Variants in PLCB4 observed in about 807,000 individuals in gnomAD.
PLCB4 encodes phospholipase C beta 4.
PLCB4 carries 77 observed loss-of-function variants against 178.8 expected under a neutral mutation model. The ratio of observed to expected loss-of-function variants is 0.43; its 90% CI spans 0.36 to 0.52. The LOEUF (loss-of-function observed/expected upper bound fraction) is 0.52, where lower values mean the gene tolerates loss of function less well. Ranked by LOEUF, PLCB4 falls within the 20% of genes least tolerant of loss-of-function variation. The pLI is 0.00. For missense variants in PLCB4, 1,024 were observed against 1,453.4 expected (o/e 0.70, Z 4.80); for synonymous variants, 496 against 490.8 (o/e 1.01, Z -0.14).
At chr20:9,100,462 C>T (rs1002480084) in intron 2 of PLCB4, among the ~76,000 whole-genome samples, 2 of 152,094 alleles carry the variant, frequency 1.3e-5, no homozygotes, top group African/African-American at 2.4e-5. Flanking sequence ...TAACCTCAAA[C>T]TTCATAACAG....
intron 2 of PLCB4, among the ~76,000 whole-genome samples, chr20:9,211,993 A>C (rs2093678138): frequency 6.6e-6 from 1 of 152,202 alleles, no homozygotes; most frequent in Admixed American, 6.5e-5. Flanking sequence ...GGTCTTCCCC[A>C]CTGTACATTC....
rs561984869 is a variant in PLCB4, at chr20:9,239,663, A to G, written c.-16+22211A>G. ...GAACTAACAGGACAGATGTATATAT[A>G]AAGGGGAGTTTATTAAAGAGTATTG... On this transcript the variant is annotated intron_variant, in intron 3 of 39. Coordinates refer to ENST00000378473, the MANE Select transcript of PLCB4 (RefSeq NM_001377142.1). 1.5e-4 allele frequency among the ~76,000 whole-genome samples: 23 copies of G among 152,278 alleles called. No individual in the cohort carries two copies. In the South Asian group the frequency reaches 4.6e-3, roughly 30 times the overall value.
intron 1 of PLCB4, among the ~76,000 whole-genome samples, chr20:9,089,561 A>G (rs987309569): frequency 9.9e-5 from 15 of 152,166 alleles, no homozygotes; most frequent in Non-Finnish European, 1.9e-4. Flanking sequence ...TTTGATCTAT[A>G]TTTAATCAGC....
At chr20:9,349,497 C>T (rs865834116) in intron 7 of PLCB4, among the ~76,000 whole-genome samples, 2 of 152,188 alleles carry the variant, frequency 1.3e-5, no homozygotes, top group Non-Finnish European at 2.9e-5. Context: ...TTTTCATGGG[C>T]GCTCAGCTCT....
At chr20:9,088,879 AATAT>A (rs1358845242) in intron 1 of PLCB4, among the ~76,000 whole-genome samples, 1 of 151,998 alleles carries the variant, frequency 6.6e-6, no homozygotes, top group South Asian at 2.1e-4. Context: ...TTTTTTGAGG[AATAT>A]ATATATACTT....
At chr20:9,411,214 AG>A (rs780884150) in intron 25 of PLCB4, 126 bp downstream of exon 25, 1 of 653,580 alleles carries the variant, frequency 1.5e-6, no homozygotes, top group Non-Finnish European at 2.7e-6. Flanking sequence ...TGGAATAGAA[AG>A]AAATGAAATA....
At chr20:9,264,366 C>A (rs1282916256) in intron 3 of PLCB4, among the ~76,000 whole-genome samples, 1 of 152,126 alleles carries the variant, frequency 6.6e-6, no homozygotes, top group African/African-American at 2.4e-5. Flanking sequence ...TATTTAGTAA[C>A]CTGATTGGAA....
At chr20:9,433,428 T>C (rs1375316555) in intron 28 of PLCB4, among the ~76,000 whole-genome samples, 1 of 152,252 alleles carries the variant, frequency 6.6e-6, no homozygotes, top group Non-Finnish European at 1.5e-5. Context: ...TATTATATCA[T>C]AGTAAAGAAT....
chr20:9,453,403 G>A lies in PLCB4; in HGVS notation c.2937G>A (p.Gln979=), dbSNP rs373715799. ...HCTQVDKIVA[Q]YDKEKSTHEK... ...CGCAAGTTGACAAAATTGTGGCACA[G>A]TATGACAAAGAGAAGTCGACTCATG... is the stretch of plus-strand genomic sequence containing the variant. Residue 979 remains glutamine, a synonymous_variant, in exon 33 of 40, where the codon CAG becomes CAA. Transcript: ENST00000378473. 36 of 1,613,026 alleles carry A rather than the reference G, an allele frequency of 2.2e-5. No homozygotes were observed. Among genetic ancestry groups the A allele is most frequent in the Middle Eastern group, 1.6e-4 (1 of 6,082 alleles).
Position 9,222,051 on chromosome 20 carries a change from ATTTTATTTTATTTTATTTTATTTTATTT to A in PLCB4, c.-16+4601_-16+4628del, listed in dbSNP as rs1568974240. On this transcript the variant is annotated intron_variant, in intron 3 of 39. Coordinates refer to ENST00000378473, the MANE Select transcript of PLCB4 (RefSeq NM_001377142.1). ...ATTTTATTTTGTTTTATTTTATTTT[ATTTTATTTTATTTTATTTTATTTTATTT>A]TATTTTATTTTATTTTATTTTATTT... Among the ~76,000 whole-genome samples the A allele has an allele frequency of 9.9e-4, 54 of 54,434 alleles. No individual in the cohort carries two copies. The African/African-American group carries it at 0.012, about 12-fold the overall frequency. The allele number at this position is 54,434 out of a possible 152,430, so 35.7% of individuals were successfully genotyped here.
chr20:9,280,077 G>T (rs972686053), intron 3 of PLCB4, among the ~76,000 whole-genome samples: 1 of 152,020 alleles, frequency 6.6e-6, no homozygotes, highest in Middle Eastern at 3.2e-3. Context: ...CAAGGCACTT[G>T]TAATAAGCCA....
chr20:9,327,991 G>T (rs2030991937), intron 4 of PLCB4, among the ~76,000 whole-genome samples: 2 of 152,052 alleles, frequency 1.3e-5, no homozygotes, highest in African/African-American at 4.8e-5. Context: ...ATACCCAATT[G>T]TTTCTGCTGC....
At chr20:9,409,238 G>A in intron 24 of PLCB4, 57 bp downstream of exon 24, 3 of 1,459,286 alleles carry the variant, frequency 2.1e-6, no homozygotes, top group South Asian at 1.4e-5. Context: ...ACAGGATGGT[G>A]CCAGCACTTC....
At chr20:9,310,005 A>T (rs1213401553) in intron 4 of PLCB4, among the ~76,000 whole-genome samples, 1 of 152,236 alleles carries the variant, frequency 6.6e-6, no homozygotes, top group East Asian at 1.9e-4. Context: ...TAGGATTTTG[A>T]GCAAAAACAT....
intron 3 of PLCB4, among the ~76,000 whole-genome samples, chr20:9,276,042 G>A (rs542919565): frequency 3.0e-4 from 45 of 152,062 alleles, no homozygotes; most frequent in Non-Finnish European, 5.4e-4. Context: ...GGGAAGGTGA[G>A]GAGGAAAGGA....
chr20:9,280,517 A>C, intron 3 of PLCB4: 1 of 940,386 alleles, frequency 1.1e-6, no homozygotes. Flanking sequence ...TTCTCATCCC[A>C]TTAGTTGAAG....
intron 3 of PLCB4, among the ~76,000 whole-genome samples, chr20:9,237,187 C>T (rs559531276): frequency 6.6e-6 from 1 of 152,194 alleles, no homozygotes; most frequent in East Asian, 1.9e-4. Context: ...AATCCTAGGT[C>T]AAGACTTTTC....
At chr20:9,423,989 T>G (rs1305277555) in intron 28 of PLCB4, 37 bp downstream of exon 28, 7 of 1,242,306 alleles carry the variant, frequency 5.6e-6, no homozygotes, top group Non-Finnish European at 8.2e-6. Context: ...ATGATATAGA[T>G]GAGGTCCTAG....
intron 3 of PLCB4, among the ~76,000 whole-genome samples, chr20:9,276,067 G>A (rs1333213914): frequency 1.3e-5 from 2 of 152,070 alleles, no homozygotes; most frequent in African/African-American, 4.8e-5. Flanking sequence ...GATGGCAAAT[G>A]TGTCACCTAG....
Sources: allele counts gnomAD v4.1 joint callset (sites outside exome capture counted in the v4.1 genomes callset), GRCh38; gene constraint gnomAD v4.1.1; transcripts MANE v1.5; gene names NCBI Gene and HGNC (gene_info 2026-07-23, HGNC 2026-07-21).